Variants in MRC1 observed in about 807,000 individuals in gnomAD.
MRC1 encodes macrophage mannose receptor 1.
MRC1 carries 62 observed loss-of-function variants against 102.9 expected under a neutral mutation model. That is an observed-to-expected ratio of 0.60 (90% CI 0.49 to 0.74). The LOEUF is 0.74. MRC1 is among the 30% of genes least tolerant of loss of function. The pLI is 0.00. For synonymous variants in MRC1, 457 were observed against 298.4 expected, an observed-to-expected ratio of 1.53 and a Z score of -5.48; for missense variants, 1,237 against 862.8, an observed-to-expected ratio of 1.43 and a Z score of -5.43.
chr10:17,885,126 T>C, intron 21 of MRC1, 143 bp from the exon 22 acceptor site: 1 of 698,224 alleles, frequency 1.4e-6, no homozygotes, highest in Admixed American at 2.1e-5. Flanking sequence ...TTAGAATGTT[T>C]GTGTGTTCAT....
At chr10:17,818,448 A>T (rs974064106) in intron 1 of MRC1, among the ~76,000 whole-genome samples, 2 of 152,208 alleles carry the variant, frequency 1.3e-5, no homozygotes, top group African/African-American at 2.4e-5. Context: ...AATATATTTT[A>T]AGATGGTTAT....
Position 17,898,059 on chromosome 10 carries a change from A to G in MRC1, c.3276A>G (p.Ala1092=). ...ACCCTTCCTTGACTAATCCTCCAGC[A>G]ACGATTCAAACAGATGGCTTTGTTA... ...RSDPSLTNPP[A]TIQTDGFVKY... The change falls in exon 24 of 30, where the codon GCA becomes GCG. Residue 1092 remains alanine (A), a synonymous_variant. Coordinates refer to ENST00000569591, the MANE Select transcript of MRC1 (RefSeq NM_002438.4). The G allele has an allele frequency of 1.3e-6, 1 of 780,866 alleles. No individual in the cohort carries two copies. The highest frequency in any genetic ancestry group is 1.7e-5 in the Admixed American group (1 of 59,032). The allele number at this position is 780,866 out of a possible 1,614,324, so 48.4% of individuals were successfully genotyped here.
chr10:17,872,190 C>G, intron 15 of MRC1, 64 bp downstream of exon 15: 1 of 778,872 alleles, frequency 1.3e-6, no homozygotes, highest in East Asian at 2.4e-5. Flanking sequence ...ACCCCAGAAT[C>G]TTTCCTTTAT....
chr10:17,833,106 G>A (rs964436864), intron 3 of MRC1, among the ~76,000 whole-genome samples: 1 of 148,104 alleles, frequency 6.8e-6, no homozygotes, highest in African/African-American at 2.5e-5. Context: ...AAGGGAAATC[G>A]TGCCTGCCTT....
chr10:17,906,688 A>G (rs1833900239), intron 26 of MRC1, among the ~76,000 whole-genome samples, 198 bp from the exon 27 acceptor site: 1 of 152,200 alleles, frequency 6.6e-6, no homozygotes. Flanking sequence ...TACTCAAATG[A>G]TGCTAATGAT....
intron 29 of MRC1, 65 bp downstream of exon 29, chr10:17,909,412 G>A (rs1420677029): frequency 7.4e-6 from 6 of 815,424 alleles, no homozygotes; most frequent in African/African-American, 5.0e-5. Context: ...GTTTTAAAAG[G>A]CATAATCATA....
At chr10:17,877,391 C>T (rs1275404959) in intron 17 of MRC1, among the ~76,000 whole-genome samples, 2 of 149,398 alleles carry the variant, frequency 1.3e-5, no homozygotes, top group Non-Finnish European at 3.0e-5. Flanking sequence ...AATCCTCTCA[C>T]CTCAGCCTCC....
intron 28 of MRC1, among the ~76,000 whole-genome samples, chr10:17,908,363 C>G (rs1413558864): frequency 6.6e-6 from 1 of 152,178 alleles, no homozygotes; most frequent in Non-Finnish European, 1.5e-5. Flanking sequence ...CAACCTCCAC[C>G]TCCTGGGTTC....
chr10:17,830,462 T>A (rs1378946743), intron 3 of MRC1, among the ~76,000 whole-genome samples: 4 of 151,428 alleles, frequency 2.6e-5, no homozygotes, highest in Non-Finnish European at 5.9e-5. Context: ...GCCTTAAAAG[T>A]GGCAGGTTTT....
intron 2 of MRC1, among the ~76,000 whole-genome samples, chr10:17,823,894 C>A (rs1351598273): frequency 6.6e-6 from 1 of 152,178 alleles, no homozygotes; most frequent in African/African-American, 2.4e-5. Context: ...ATAGAACATT[C>A]TTTCCCAATT....
At chr10:17,902,493 A>T (rs1554843720) in intron 26 of MRC1, among the ~76,000 whole-genome samples, 1 of 152,222 alleles carries the variant, frequency 6.6e-6, no homozygotes, top group African/African-American at 2.4e-5. Context: ...TTAATAGAAA[A>T]GTATTTCTAT....
At chr10:17,889,031 C>T (rs1833638589) in intron 22 of MRC1, among the ~76,000 whole-genome samples, 1 of 152,170 alleles carries the variant, frequency 6.6e-6, no homozygotes, top group Non-Finnish European at 1.5e-5. Context: ...CTCTTTACCT[C>T]TGGTAACTTT....
intron 17 of MRC1, among the ~76,000 whole-genome samples, chr10:17,876,206 A>G (rs1470212015): frequency 2.0e-5 from 3 of 150,782 alleles, no homozygotes; most frequent in African/African-American, 4.9e-5. Context: ...GTTATGCCCT[A>G]TTGTTTAAAT....
At chr10:17,822,097 T>C (rs1005742284) in intron 1 of MRC1, among the ~76,000 whole-genome samples, 9 of 152,130 alleles carry the variant, frequency 5.9e-5, no homozygotes, top group Non-Finnish European at 1.3e-4. Flanking sequence ...CAAGAGGAAG[T>C]TCCGTTTTGC....
chr10:17,888,054 T>C (rs1233464046), intron 22 of MRC1, among the ~76,000 whole-genome samples: 2 of 152,188 alleles, frequency 1.3e-5, no homozygotes, highest in Non-Finnish European at 2.9e-5. Flanking sequence ...TACACCTGCC[T>C]TGGCCTCCCA....
At chr10:17,856,475 T>G in intron 9 of MRC1, 123 bp downstream of exon 9, 2 of 687,754 alleles carry the variant, frequency 2.9e-6, no homozygotes, top group Non-Finnish European at 5.2e-6. Flanking sequence ...TGTCTCAGTC[T>G]TCAATAGTTT....
At chr10:17,880,726 A>C in intron 20 of MRC1, 56 bp downstream of exon 20, 1 of 778,392 alleles carries the variant, frequency 1.3e-6, no homozygotes, top group Non-Finnish European at 2.4e-6. Context: ...AGTGATGCAA[A>C]TCTTTCAGCT....
intron 11 of MRC1, chr10:17,865,391 T>G (rs1554841426): frequency 6.6e-6 from 1 of 152,236 alleles, no homozygotes; most frequent in African/African-American, 2.4e-5. Flanking sequence ...AAACACATCT[T>G]GGCAGTAGTG....
intron 9 of MRC1, among the ~76,000 whole-genome samples, chr10:17,860,567 T>G (rs370291803): frequency 0.45 from 68,143 of 152,070 alleles, 16,244 homozygotes; most frequent in East Asian, 0.62. Context: ...CATATGCCAC[T>G]GTGCCTGGCC....
Sources: gnomAD v4.1 joint callset for allele counts (sites outside exome capture counted in the v4.1 genomes callset) on GRCh38, gnomAD v4.1.1 for gene constraint, MANE v1.5 for transcripts, NCBI Gene and HGNC (gene_info 2026-07-23, HGNC 2026-07-21) for gene names.